ATP2C2: variants seen among roughly 807,000 people sequenced by gnomAD.
ATP2C2 encodes ATPase secretory pathway Ca2+ transporting 2.
Under a neutral mutation model 110.8 loss-of-function variants are expected in ATP2C2, and 171 were observed. The observed-to-expected ratio is 1.54, with a 90% CI of 1.36 to 1.75. ATP2C2 has a LOEUF of 1.75. ATP2C2 is among the 40% of genes most tolerant of loss of function. The pLI is 0.00. For missense variants in ATP2C2, 1,963 were observed against 1,235.0 expected (o/e 1.59, Z -8.84); for synonymous variants, 804 against 508.4 (o/e 1.58, Z -7.82).
intron 1 of ATP2C2, among the ~76,000 whole-genome samples, chr16:84,383,159 G>C (rs12102760): frequency 0.47 from 71,270 of 152,130 alleles, 16,773 homozygotes; most frequent in Middle Eastern, 0.56. Flanking sequence ...TTCTGCTACT[G>C]AGGCCGCAAG....
At position 84,442,498 on chromosome 16, in the gene ATP2C2, A is replaced by G. The variant is rs781033926; in HGVS notation, c.1312-12A>G. 3.1e-6 allele frequency: 5 copies of G among 1,613,382 alleles called. No homozygotes were observed. Among genetic ancestry groups the G allele is most frequent in the African/African-American group, 2.7e-5 (2 of 74,896 alleles). ...AGTACTAACTACAGATGTCCGGACA[A>G]TCCCCTTTTAGGCGGGCTGTGTTGC... On this transcript the variant is annotated splice_polypyrimidine_tract_variant and intron_variant, in intron 14 of 26. Transcript: ENST00000262429.
rs765507634 is a variant in ATP2C2 at position 84,462,042 on chromosome 16, GTCCTGGGGTCCA to G, written c.2644_2655del (p.Ser882_Gly885del). 6.2e-7 allele frequency: 1 copy of G among 1,614,058 alleles called. No individual in the cohort carries two copies. Among genetic ancestry groups the G allele is most frequent in the Non-Finnish European group, 8.5e-7 (1 of 1,179,990 alleles). The stretch of plus-strand genomic sequence containing the variant: ...CAGGAACCACATGTTCCTCTACTCC[GTCCTGGGGTCCA>G]TCCTGGGGCAGCTGGCGGTCATTTA... On this transcript the variant is annotated inframe_deletion, in exon 26 of 27. Coordinates refer to ENST00000262429, the MANE Select transcript of ATP2C2 (RefSeq NM_014861.4).
intron 23 of ATP2C2, 115 bp downstream of exon 23, chr16:84,459,501 AT>A (rs1215625380): frequency 1.3e-6 from 2 of 1,578,936 alleles, no homozygotes; most frequent in Non-Finnish European, 1.7e-6. Flanking sequence ...GCCACTTTCC[AT>A]CAGGAGTTCC....
intron 2 of ATP2C2, among the ~76,000 whole-genome samples, chr16:84,403,918 C>T (rs1361234116): frequency 6.6e-6 from 1 of 152,144 alleles, no homozygotes; most frequent in Non-Finnish European, 1.5e-5. Flanking sequence ...CTCGAACTCC[C>T]GACCTCAGGT....
intron 23 of ATP2C2, 53 bp from the exon 24 acceptor site, chr16:84,460,601 C>T: frequency 6.2e-7 from 1 of 1,613,018 alleles, no homozygotes; most frequent in Non-Finnish European, 8.5e-7. Context: ...TTTCAAGGGT[C>T]CTTTATTTCA....
rs115333951 is a variant in ATP2C2, at chr16:84,405,642, G to A, written c.327+398G>A. ...CCCTGTTAAATTTCAATTTCAGGCT[G>A]GGCGTGGTGGCTCGTGCCTGTAATC... On this transcript the variant is annotated intron_variant, in intron 3 of 26. Transcript: ENST00000262429. Among the ~76,000 whole-genome samples the A allele has an allele frequency of 3.2e-3, 487 of 152,294 alleles. 1 individual carries two copies. Among genetic ancestry groups the A allele is most frequent in the African/African-American group, 0.011 (467 of 41,560 alleles).
At chr16:84,385,249 G>A (rs572305445) in intron 1 of ATP2C2, among the ~76,000 whole-genome samples, 108 of 152,230 alleles carry the variant, frequency 7.1e-4, no homozygotes, top group African/African-American at 2.4e-3. Context: ...GCAAGAGAGA[G>A]AGCAGGGGAC....
rs1567699128 is a variant in ATP2C2 at position 84,405,062 on chromosome 16, C to CCT, written c.211-66_211-65insCT. ...AGCCGCTGCCTTTCAGAGTGGGAGT[C>CCT]TGTACCCTGTTGCCTCATTCCTTGC... On this transcript the variant is annotated intron_variant, in intron 2 of 26. Transcript: ENST00000262429. The CCT allele has an allele frequency of 2.2e-6, 3 of 1,334,092 alleles. No homozygotes were observed. The African/African-American group carries it at 4.3e-5, about 19-fold the overall frequency. The allele number at this position is 1,334,092 out of a possible 1,614,324, so 82.6% of individuals were successfully genotyped here.
chr16:84,408,341 G>C, intron 3 of ATP2C2, 64 bp from the exon 4 acceptor site: 1 of 1,501,000 alleles, frequency 6.7e-7, no homozygotes, highest in African/African-American at 1.4e-5. Flanking sequence ...CTTCTGCACA[G>C]TAAGAAACCC....
intron 11 of ATP2C2, among the ~76,000 whole-genome samples, chr16:84,433,149 G>A (rs1347334143): frequency 1.3e-5 from 2 of 152,150 alleles, no homozygotes; most frequent in African/African-American, 2.4e-5. Context: ...GGAGGCTGAG[G>A]CAAGAGGATC....
At chr16:84,394,545 C>T (rs570127532) in intron 1 of ATP2C2, among the ~76,000 whole-genome samples, 4 of 152,126 alleles carry the variant, frequency 2.6e-5, no homozygotes, top group African/African-American at 9.7e-5. Flanking sequence ...TCACCGAGTA[C>T]CAAAAATGTG....
intron 1 of ATP2C2, among the ~76,000 whole-genome samples, chr16:84,396,233 T>C (rs1174233346): frequency 6.6e-6 from 1 of 151,904 alleles, no homozygotes; most frequent in African/African-American, 2.4e-5. Flanking sequence ...CGTGTGTGTG[T>C]GTGTGTGTGA....
chr16:84,433,348 A>C (rs1908447091), intron 11 of ATP2C2, among the ~76,000 whole-genome samples: 1 of 152,016 alleles, frequency 6.6e-6, no homozygotes, highest in African/African-American at 2.4e-5. Flanking sequence ...TTGCCACTGC[A>C]CTCCAACCTG....
rs57565623 is a variant in ATP2C2 at position 84,375,866 on chromosome 16, G to A, written c.99+7152G>A. On this transcript the variant is annotated intron_variant, in intron 1 of 26. Transcript: ENST00000262429. ...TAATTTTGTAGACAGAAAAAAAGGAGATGTGAAAAATAAAGAGGAAGTCTG... is the reference window on the plus strand; with the variant it reads ...TAATTTTGTAGACAGAAAAAAAGGAAATGTGAAAAATAAAGAGGAAGTCTG... Among the ~76,000 whole-genome samples, 594 of 152,132 alleles carry A rather than the reference G, an allele frequency of 3.9e-3. 5 individuals are homozygous for A. The highest frequency in any genetic ancestry group is 0.013 in the African/African-American group (537 of 41,488).
intron 1 of ATP2C2, among the ~76,000 whole-genome samples, chr16:84,380,440 A>G (rs1910508018): frequency 6.6e-6 from 1 of 152,090 alleles, no homozygotes; most frequent in African/African-American, 2.4e-5. Context: ...AATTGGCACA[A>G]TTTAAAGTTC....
At chr16:84,369,949 T>A (rs1017306525) in intron 1 of ATP2C2, among the ~76,000 whole-genome samples, 1 of 152,244 alleles carries the variant, frequency 6.6e-6, no homozygotes, top group Non-Finnish European at 1.5e-5. Context: ...GTGATCCATT[T>A]CTCTGCTTCT....
At position 84,454,838 on chromosome 16, in the gene ATP2C2, G is replaced by T. The variant is rs142596443; in HGVS notation, c.2001G>T (p.Ala667=). The T allele has an allele frequency of 4.3e-6, 7 of 1,610,798 alleles. No homozygotes were observed. In the African/African-American group the frequency reaches 9.4e-5, roughly 22 times the overall value. Residue 667 remains alanine, a synonymous_variant, in exon 21 of 27, where the codon GCG becomes GCT. Transcript: ENST00000262429. ...CAAAGGCTCTGCAGGAGTCAGGGGC[G>T]ATCGTGGCCATGACTGGGGATGGGG... The part of the protein sequence containing the change: ...KIIKALQESG[A]IVAMTGDGVN...
At chr16:84,416,324 A>G (rs1371857256) in intron 7 of ATP2C2, among the ~76,000 whole-genome samples, 4 of 152,200 alleles carry the variant, frequency 2.6e-5, no homozygotes, top group Non-Finnish European at 4.4e-5. Context: ...TGATTTGTTG[A>G]TGGGAGTAAT....
rs1911673500 is a variant in ATP2C2 at position 84,464,049 on chromosome 16, C to T, written c.*317C>T. 9.0e-6 allele frequency: 2 copies of T among 222,942 alleles called. No homozygotes were observed. The highest frequency in any genetic ancestry group is 1.0e-4 in the East Asian group (1 of 9,714). The allele number at this position is 222,942 out of a possible 1,614,324, so 13.8% of individuals were successfully genotyped here. On this transcript the variant is annotated 3_prime_UTR_variant, in exon 27 of 27. Transcript: ENST00000262429. ...TGCCACAGCTTGCAGTGAGGCAGGC[C>T]ACTCGTGGCAGATACAAGGGGCTCC...
Sources: allele counts gnomAD v4.1 joint callset (sites outside exome capture counted in the v4.1 genomes callset), GRCh38; gene constraint gnomAD v4.1.1; transcripts MANE v1.5; gene names NCBI Gene and HGNC (gene_info 2026-07-23, HGNC 2026-07-21).